Variants in GALNT18 observed in about 807,000 individuals in gnomAD.
The protein encoded by GALNT18 is GalNAc-transferase 18.
A neutral mutation model predicts 69.5 loss-of-function variants in GALNT18; 44 were observed. The observed-to-expected ratio is 0.63, with a 90% CI of 0.50 to 0.81. The LOEUF (loss-of-function observed/expected upper bound fraction) is 0.81. GALNT18 is among the 40% of genes least tolerant of loss of function. The probability of loss-of-function intolerance (pLI) is 0.00; values close to 1 mark genes in which losing one functional copy is unlikely to be tolerated. For synonymous variants in GALNT18, 364 were observed against 318.2 expected, an observed-to-expected ratio of 1.14 and a Z score of -1.53; for missense variants, 715 against 810.0, an observed-to-expected ratio of 0.88 and a Z score of 1.42.
chr11:11,476,188 A>T (rs1402848193), intron 1 of GALNT18: 2 of 152,228 alleles, frequency 1.3e-5, no homozygotes, highest in African/African-American at 4.8e-5. Flanking sequence ...CAATTAGTTC[A>T]GTCTTTCCCT....
At position 11,340,442 on chromosome 11, in the gene GALNT18, G is replaced by A. The variant is rs1331158773; in HGVS notation, c.1278+377C>T. ...CTGTAGGAAGATTAAGATGCTTTTT[G>A]TAAATTTTTGTAGTTACTGGTATAT... On this transcript the variant is annotated intron_variant, in intron 7 of 10. Transcript: ENST00000227756. The surrounding 1 kb of genome is among the most constrained non-coding windows in gnomAD (Gnocchi z 4.2). 6.6e-6 allele frequency among the ~76,000 whole-genome samples: 1 copy of A among 152,154 alleles called. No individual in the cohort carries two copies. The highest frequency in any genetic ancestry group is 6.5e-5 in the Admixed American group (1 of 15,276).
In GALNT18 at chr11:11,435,919, G is replaced by A. The variant is rs1043736886; in HGVS notation, c.429-3132C>T. On this transcript the variant is annotated intron_variant, in intron 2 of 10. Transcript: ENST00000227756. The surrounding 1 kb of genome is among the most constrained non-coding windows in gnomAD (Gnocchi z 4.4). ...ACACTGTAATCCCTTCAGGCCAAAC[G>A]CCCTGACCTCCTTAAATCCTTCTTT... Among the ~76,000 whole-genome samples the A allele has an allele frequency of 6.6e-6, 1 of 152,112 alleles. No individual in the cohort carries two copies. The highest frequency in any genetic ancestry group is 1.5e-5 in the Non-Finnish European group (1 of 68,024).
At chr11:11,279,179 G>C (rs769674491) in intron 10 of GALNT18, among the ~76,000 whole-genome samples, 1 of 152,144 alleles carries the variant, frequency 6.6e-6, no homozygotes, top group Non-Finnish European at 1.5e-5. Context: ...CCTTCATCTT[G>C]TGACCTGCAA....
intron 3 of GALNT18, among the ~76,000 whole-genome samples, chr11:11,417,311 C>T (rs1564937841): frequency 6.6e-6 from 1 of 152,192 alleles, no homozygotes; most frequent in Non-Finnish European, 1.5e-5. Context: ...TTCAGCCTAT[C>T]TGGAGTGGCT....
In GALNT18 at chr11:11,538,363, G is replaced by T. The variant is rs2133951270; in HGVS notation, c.235+82996C>A. 6.6e-6 allele frequency among the ~76,000 whole-genome samples: 1 copy of T among 152,256 alleles called. No individual in the cohort carries two copies. Among genetic ancestry groups the T allele is most frequent in the East Asian group, 1.9e-4 (1 of 5,166 alleles). On this transcript the variant is annotated intron_variant, in intron 1 of 10. Coordinates refer to ENST00000227756, the MANE Select transcript of GALNT18 (RefSeq NM_198516.3). This position sits in a 1 kb window ranked among gnomAD's most constrained non-coding sequence, Gnocchi z 5.2. Reference sequence around the variant, plus strand: ...GGCAGGGAGCAGCTGGAGGAGGGCTGCTCTTTCTGCCGCATGTTCATTTCA... The same window carrying T: ...GGCAGGGAGCAGCTGGAGGAGGGCTTCTCTTTCTGCCGCATGTTCATTTCA...
intron 1 of GALNT18, among the ~76,000 whole-genome samples, chr11:11,482,495 G>A (rs995817897): frequency 3.3e-5 from 5 of 152,176 alleles, no homozygotes; most frequent in African/African-American, 1.2e-4. Flanking sequence ...GTGGCATCCT[G>A]GGCTCACTGA....
rs1259009805 is a variant in GALNT18, at chr11:11,494,953, G to A, written c.236-46017C>T. 6.6e-6 allele frequency among the ~76,000 whole-genome samples: 1 copy of A among 151,846 alleles called. No homozygotes were observed. Among genetic ancestry groups the A allele is most frequent in the Non-Finnish European group, 1.5e-5 (1 of 67,998 alleles). On this transcript the variant is annotated intron_variant, in intron 1 of 10. Coordinates refer to ENST00000227756, the MANE Select transcript of GALNT18 (RefSeq NM_198516.3). The surrounding 1 kb of genome is among the most constrained non-coding windows in gnomAD (Gnocchi z 5.7). ...AAGCCAATCACATGCTCTGTGATTT[G>A]AGCATATAAATGTAGAAGCCCAGCA...
intron 1 of GALNT18, among the ~76,000 whole-genome samples, chr11:11,576,636 T>G (rs181573804): frequency 6.6e-6 from 1 of 152,212 alleles, no homozygotes; most frequent in East Asian, 1.9e-4. Context: ...TGGAAGGAAA[T>G]GAAGCTAGGA....
At chr11:11,472,059 T>C (rs924576951) in intron 1 of GALNT18, among the ~76,000 whole-genome samples, 46 of 152,348 alleles carry the variant, frequency 3.0e-4, no homozygotes, top group Admixed American at 7.2e-4. Flanking sequence ...GCTTGCAAGA[T>C]AAGTAGGTTT....
intron 3 of GALNT18, among the ~76,000 whole-genome samples, chr11:11,392,375 T>A (rs1327886256): frequency 2.0e-5 from 3 of 152,156 alleles, no homozygotes; most frequent in African/African-American, 7.2e-5. Context: ...ATCCCAGCAC[T>A]CTGGGAGGCC....
intron 1 of GALNT18, among the ~76,000 whole-genome samples, chr11:11,533,537 A>T (rs1857702235): frequency 6.6e-6 from 1 of 152,210 alleles, no homozygotes; most frequent in African/African-American, 2.4e-5. Flanking sequence ...TACCATCTCC[A>T]GATCAACAGG....
chr11:11,292,769 TAATAA>T lies in GALNT18; in HGVS notation c.1677+255_1677+259del, dbSNP rs549486080. 2.4e-3 allele frequency among the ~76,000 whole-genome samples: 373 copies of T among 152,252 alleles called. 1 individual carries two copies. The highest frequency in any genetic ancestry group is 8.5e-3 in the African/African-American group (353 of 41,540). ...AAAAAGTACAATAATAAAATCATTA[TAATAA>T]AACAACAACAATAATAATAAACTCC... On this transcript the variant is annotated intron_variant, in intron 10 of 10. Transcript: ENST00000227756.
At position 11,439,215 on chromosome 11, in the gene GALNT18, G is replaced by A. The variant is rs1330824693; in HGVS notation, c.429-6428C>T. 6.6e-6 allele frequency among the ~76,000 whole-genome samples: 1 copy of A among 152,210 alleles called. No individual in the cohort carries two copies. The highest frequency in any genetic ancestry group is 1.5e-5 in the Non-Finnish European group (1 of 68,024). On this transcript the variant is annotated intron_variant, in intron 2 of 10. Coordinates refer to ENST00000227756, the MANE Select transcript of GALNT18 (RefSeq NM_198516.3). This position sits in a 1 kb window ranked among gnomAD's most constrained non-coding sequence, Gnocchi z 4.4. ...AGGAAGAAGGGCGTTGTCAGTGAGT[G>A]AACTGTAGACGTGGACATGAAGTCA...
intron 1 of GALNT18, among the ~76,000 whole-genome samples, chr11:11,510,392 T>C (rs1198066640): frequency 6.6e-6 from 1 of 152,126 alleles, no homozygotes; most frequent in African/African-American, 2.4e-5. Context: ...CTACCCTGGG[T>C]CGTCTCTGTG....
At chr11:11,493,463 C>T (rs1856813939) in intron 1 of GALNT18, among the ~76,000 whole-genome samples, 1 of 151,958 alleles carries the variant, frequency 6.6e-6, no homozygotes, top group Non-Finnish European at 1.5e-5. Flanking sequence ...CTGATACGTT[C>T]CTTGATCTCT....
At position 11,320,577 on chromosome 11, in the gene GALNT18, T is replaced by C. The variant is rs1033630949; in HGVS notation, c.1512+6509A>G. Among the ~76,000 whole-genome samples the C allele has an allele frequency of 6.6e-6, 1 of 152,186 alleles. No individual in the cohort carries two copies. Among genetic ancestry groups the C allele is most frequent in the Non-Finnish European group, 1.5e-5 (1 of 68,022 alleles). Reference sequence around the variant, plus strand: ...TCTCCTTCTGAGATGTACCCTGACTTCATTCTCAGGTAACACGTCCTAGAG... The same window carrying C: ...TCTCCTTCTGAGATGTACCCTGACTCCATTCTCAGGTAACACGTCCTAGAG... On this transcript the variant is annotated intron_variant, in intron 9 of 10. Coordinates refer to ENST00000227756, the MANE Select transcript of GALNT18 (RefSeq NM_198516.3). The surrounding 1 kb of genome is among the most constrained non-coding windows in gnomAD (Gnocchi z 4.9).
chr11:11,613,879 A>G lies in GALNT18; in HGVS notation c.235+7480T>C, dbSNP rs1163770052. 6.6e-6 allele frequency among the ~76,000 whole-genome samples: 1 copy of G among 151,860 alleles called. No homozygotes were observed. The highest frequency in any genetic ancestry group is 1.5e-5 in the Non-Finnish European group (1 of 67,970). ...GCCCTTCCGCTTCATGCATAATTCC[A>G]TCTCTCCCCAAAGCCCACCATGCTG... is the stretch of plus-strand genomic sequence containing the variant. On this transcript the variant is annotated intron_variant, in intron 1 of 10. Coordinates refer to ENST00000227756, the MANE Select transcript of GALNT18 (RefSeq NM_198516.3). This position sits in a 1 kb window ranked among gnomAD's most constrained non-coding sequence, Gnocchi z 4.2.
intron 1 of GALNT18, among the ~76,000 whole-genome samples, chr11:11,567,983 C>T (rs1027797991): frequency 6.6e-6 from 1 of 152,190 alleles, no homozygotes; most frequent in African/African-American, 2.4e-5. Context: ...CCTTGTGACT[C>T]ACAAAGGCCT....
chr11:11,506,464 G>T (rs1315070392), intron 1 of GALNT18, among the ~76,000 whole-genome samples: 2 of 152,160 alleles, frequency 1.3e-5, no homozygotes, highest in Non-Finnish European at 2.9e-5. Flanking sequence ...AGGGGGACAA[G>T]GAAAAGCAAC....
Sources: gnomAD v4.1 joint callset for allele counts (sites outside exome capture counted in the v4.1 genomes callset) on GRCh38, gnomAD v4.1.1 for gene constraint, Gnocchi (gnomAD v3.1) non-coding constraint, MANE v1.5 for transcripts, NCBI Gene and HGNC (gene_info 2026-07-23, HGNC 2026-07-21) for gene names.